DDX10: variants seen among roughly 807,000 people sequenced by gnomAD.
DDX10 encodes the protein probable ATP-dependent RNA helicase DDX10.
Under a neutral mutation model 104.3 loss-of-function variants are expected in DDX10, and 74 were observed. The ratio of observed to expected loss-of-function variants is 0.71; its 90% CI spans 0.59 to 0.86. The LOEUF (loss-of-function observed/expected upper bound fraction) is 0.86, where lower values mean the gene tolerates loss of function less well. DDX10 is among the 40% of genes least tolerant of loss of function. DDX10 has a pLI of 0.00. For missense variants in DDX10, 952 were observed against 1,040.0 expected (o/e 0.92, Z 1.16); for synonymous variants, 351 against 353.4 (o/e 0.99, Z 0.08).
chr11:108,803,557 GC>G (rs924682503), intron 13 of DDX10, among the ~76,000 whole-genome samples: 36 of 136,908 alleles, frequency 2.6e-4, no homozygotes, highest in Admixed American at 8.0e-4. Flanking sequence ...TCACACCATT[GC>G]CCTCTAGCCT....
At chr11:108,807,843 C>T (rs1862121337) in intron 13 of DDX10, among the ~76,000 whole-genome samples, 1 of 152,072 alleles carries the variant, frequency 6.6e-6, no homozygotes, top group South Asian at 2.1e-4. Context: ...ATAGTACCTT[C>T]TGAAATACAA....
At chr11:108,892,071 T>C (rs1174765904) in intron 16 of DDX10, among the ~76,000 whole-genome samples, 1 of 152,172 alleles carries the variant, frequency 6.6e-6, no homozygotes, top group Non-Finnish European at 1.5e-5. Flanking sequence ...CAGGTGTTGC[T>C]GTAGTTCGGA....
intron 16 of DDX10, among the ~76,000 whole-genome samples, chr11:108,857,805 C>T (rs964425549): frequency 1.6e-4 from 24 of 152,148 alleles, no homozygotes; most frequent in Admixed American, 1.2e-3. Context: ...AGGTCATTTC[C>T]GAGGTAGTCA....
intron 17 of DDX10, among the ~76,000 whole-genome samples, chr11:108,939,106 A>G (rs1864071754): frequency 6.6e-6 from 1 of 152,204 alleles, no homozygotes; most frequent in South Asian, 2.1e-4. Flanking sequence ...AATTCTCACA[A>G]TTTTAAGTAA....
intron 13 of DDX10, among the ~76,000 whole-genome samples, chr11:108,770,098 A>G (rs2094361084): frequency 6.6e-6 from 1 of 152,228 alleles, no homozygotes; most frequent in African/African-American, 2.4e-5. Flanking sequence ...GGCCTCACAC[A>G]GATTGGTAGT....
rs187273454 is a variant in DDX10 at position 108,748,208 on chromosome 11, A to G, written c.1965+24746A>G. Among the ~76,000 whole-genome samples the G allele has an allele frequency of 7.0e-4, 106 of 152,288 alleles. 1 individual carries two copies. In the East Asian group the frequency reaches 0.02, roughly 28 times the overall value. On this transcript the variant is annotated intron_variant, in intron 13 of 17. Coordinates refer to ENST00000322536, the MANE Select transcript of DDX10 (RefSeq NM_004398.4). ...TGGAAGGCTCCTACAGAAAGTATGC[A>G]GTCTTTCTGGTCTGGGGAACACAGA...
chr11:108,719,763 A>T, intron 11 of DDX10, 34 bp from the exon 12 acceptor site: 1 of 1,320,056 alleles, frequency 7.6e-7, no homozygotes, highest in South Asian at 1.2e-5. Flanking sequence ...TTTAATTTCT[A>T]TTATATTGTA....
intron 13 of DDX10, among the ~76,000 whole-genome samples, chr11:108,805,941 T>G (rs1459596583): frequency 1.3e-5 from 2 of 152,148 alleles, no homozygotes; most frequent in Non-Finnish European, 2.9e-5. Context: ...TTACACATTT[T>G]AAACTTTTTT....
At chr11:108,865,681 G>A (rs1863000440) in intron 16 of DDX10, among the ~76,000 whole-genome samples, 1 of 152,078 alleles carries the variant, frequency 6.6e-6, no homozygotes, top group Non-Finnish European at 1.5e-5. Flanking sequence ...TGTGGGGGAT[G>A]CAGCGAGATT....
chr11:108,825,563 A>G lies in DDX10; in HGVS notation c.1966-12883A>G, dbSNP rs936737107. ...ACACAGCTGAGATCACTGCATATCT[A>G]TGTAGTATTGGTCTGGGGTGGGGAA... On this transcript the variant is annotated intron_variant, in intron 13 of 17. Coordinates refer to ENST00000322536, the MANE Select transcript of DDX10 (RefSeq NM_004398.4). Among the ~76,000 whole-genome samples, 7 of 152,312 alleles carry G rather than the reference A, an allele frequency of 4.6e-5. 1 individual carries two copies. The highest frequency in any genetic ancestry group is 4.6e-4 in the Admixed American group (7 of 15,304).
chr11:108,914,108 TA>T (rs1863714642), intron 16 of DDX10, among the ~76,000 whole-genome samples: 1 of 152,228 alleles, frequency 6.6e-6, no homozygotes, highest in South Asian at 2.1e-4. Context: ...AGTAAATTTT[TA>T]TTACTTTGAA....
At chr11:108,722,747 G>T (rs1469742878) in intron 12 of DDX10, among the ~76,000 whole-genome samples, 1 of 152,176 alleles carries the variant, frequency 6.6e-6, no homozygotes. Context: ...TTCTGGTCCA[G>T]TGCTCTTTAT....
At chr11:108,825,025 C>CT in intron 13 of DDX10, among the ~76,000 whole-genome samples, 1 of 152,050 alleles carries the variant, frequency 6.6e-6, no homozygotes, top group Middle Eastern at 3.4e-3. Context: ...GGGAATGAGG[C>CT]TTAAGTAAGG....
chr11:108,697,676 G>A (rs775799557), intron 9 of DDX10, among the ~76,000 whole-genome samples: 11 of 152,074 alleles, frequency 7.2e-5, no homozygotes, highest in Middle Eastern at 3.2e-3. Flanking sequence ...GTGAGGCCAG[G>A]TATATGAATA....
At chr11:108,722,875 T>C in intron 12 of DDX10, 122 bp from the exon 13 acceptor site, 1 of 1,414,924 alleles carries the variant, frequency 7.1e-7, no homozygotes, top group Non-Finnish European at 9.3e-7. Flanking sequence ...GAGTTGTATC[T>C]CACAGGAACA....
intron 1 of DDX10, among the ~76,000 whole-genome samples, chr11:108,669,360 T>G (rs1380153194): frequency 6.6e-6 from 1 of 152,164 alleles, no homozygotes; most frequent in Non-Finnish European, 1.5e-5. Flanking sequence ...AATTCCAAAG[T>G]GCTGGGATTA....
intron 10 of DDX10, among the ~76,000 whole-genome samples, 192 bp from the exon 11 acceptor site, chr11:108,715,686 CT>C (rs1264507425): frequency 1.3e-5 from 2 of 152,202 alleles, no homozygotes; most frequent in African/African-American, 2.4e-5. Flanking sequence ...CATGTCATTT[CT>C]TTCTCCTGTG....
chr11:108,767,797 C>T (rs1328252616), intron 13 of DDX10: 1 of 152,170 alleles, frequency 6.6e-6, no homozygotes, highest in African/African-American at 2.4e-5. Context: ...TGAGAGTCCA[C>T]TTAAATGTGG....
chr11:108,874,608 G>A (rs1482634271), intron 16 of DDX10, among the ~76,000 whole-genome samples: 1 of 151,612 alleles, frequency 6.6e-6, no homozygotes, highest in Non-Finnish European at 1.5e-5. Flanking sequence ...CTGGCCTTAA[G>A]CCATCCTCCC....
Sources: gnomAD v4.1 joint callset for allele counts (sites outside exome capture counted in the v4.1 genomes callset) on GRCh38, gnomAD v4.1.1 for gene constraint, MANE v1.5 for transcripts, NCBI Gene and HGNC (gene_info 2026-07-23, HGNC 2026-07-21) for gene names.